CSMD1: variants seen among roughly 807,000 people sequenced by gnomAD.
CSMD1 encodes the protein CUB and sushi domain-containing protein 1.
Under a neutral mutation model 417.5 loss-of-function variants are expected in CSMD1, and 213 were observed. The observed-to-expected ratio is 0.51, with a 90% CI of 0.46 to 0.57. The LOEUF (loss-of-function observed/expected upper bound fraction) is 0.57. Ranked by LOEUF, CSMD1 falls within the 20% of genes least tolerant of loss-of-function variation. CSMD1 has a pLI of 0.00. For missense variants in CSMD1, 6,923 were observed against 4,529.7 expected, an observed-to-expected ratio of 1.53 and a Z score of -15.17; for synonymous variants, 2,862 against 1,736.8, an observed-to-expected ratio of 1.65 and a Z score of -16.11.
intron 2 of CSMD1, among the ~76,000 whole-genome samples, chr8:4,564,837 C>T (rs1180317663): frequency 6.6e-6 from 1 of 152,176 alleles, no homozygotes; most frequent in Non-Finnish European, 1.5e-5. Context: ...TGGGATGCGT[C>T]CAGCATTTAC....
intron 5 of CSMD1, among the ~76,000 whole-genome samples, chr8:3,876,467 G>A (rs946115783): frequency 6.6e-6 from 1 of 152,154 alleles, no homozygotes; most frequent in African/African-American, 2.4e-5. Flanking sequence ...TTGTTGGAGA[G>A]TCCTAACAGA....
At chr8:4,737,820 C>G (rs543330992) in intron 1 of CSMD1, among the ~76,000 whole-genome samples, 3 of 152,116 alleles carry the variant, frequency 2.0e-5, no homozygotes, top group Non-Finnish European at 4.4e-5. Context: ...AAGTAATGGG[C>G]AGCATATGGT....
chr8:3,551,594 ATATT>A (rs1197173563), intron 10 of CSMD1, among the ~76,000 whole-genome samples: 38 of 103,742 alleles, frequency 3.7e-4, no homozygotes, highest in East Asian at 1.5e-3. Flanking sequence ...ATATATATAT[ATATT>A]TTTTTTTTTT....
intron 3 of CSMD1, among the ~76,000 whole-genome samples, chr8:4,085,325 G>A (rs11992309): frequency 0.087 from 13,251 of 152,142 alleles, 793 homozygotes; most frequent in East Asian, 0.27. Context: ...GCTTCTTGGA[G>A]TAAGACAAAA....
intron 5 of CSMD1, among the ~76,000 whole-genome samples, chr8:3,928,156 C>G (rs142806237): frequency 6.6e-6 from 1 of 152,212 alleles, no homozygotes; most frequent in East Asian, 1.9e-4. Context: ...TGGACATTTA[C>G]ATTTCAATGA....
At chr8:3,455,120 T>G (rs928035906) in intron 12 of CSMD1, among the ~76,000 whole-genome samples, 1 of 152,222 alleles carries the variant, frequency 6.6e-6, no homozygotes, top group Non-Finnish European at 1.5e-5. Context: ...CTGAGGCTTG[T>G]GCATTCATCA....
chr8:4,902,070 A>G (rs1563718318), intron 1 of CSMD1, among the ~76,000 whole-genome samples: 1 of 152,164 alleles, frequency 6.6e-6, no homozygotes. Flanking sequence ...ATTAAAGAAT[A>G]TATATGTGTA....
chr8:4,526,987 C>G (rs1010123931), intron 2 of CSMD1, among the ~76,000 whole-genome samples: 3 of 152,172 alleles, frequency 2.0e-5, no homozygotes, highest in Admixed American at 6.5e-5. Flanking sequence ...TATCCACATC[C>G]TCTTACTTAC....
At chr8:4,047,345 C>T (rs1036868151) in intron 3 of CSMD1, among the ~76,000 whole-genome samples, 1 of 152,074 alleles carries the variant, frequency 6.6e-6, no homozygotes, top group South Asian at 2.1e-4. Context: ...CTACCCAAAG[C>T]CCTTGGGAAC....
chr8:3,642,364 G>A (rs576475717), intron 7 of CSMD1, among the ~76,000 whole-genome samples: 1 of 152,110 alleles, frequency 6.6e-6, no homozygotes, highest in African/African-American at 2.4e-5. Context: ...AGAAATCACC[G>A]CAAAGAATTT....
intron 5 of CSMD1, among the ~76,000 whole-genome samples, chr8:3,807,030 A>AG (rs1392080006): frequency 6.6e-6 from 1 of 152,164 alleles, no homozygotes; most frequent in African/African-American, 2.4e-5. Flanking sequence ...ATTGTAACCC[A>AG]GGCAGTCTGA....
intron 2 of CSMD1, among the ~76,000 whole-genome samples, chr8:4,577,217 T>G (rs1034048050): frequency 1.3e-5 from 2 of 152,190 alleles, no homozygotes; most frequent in Non-Finnish European, 2.9e-5. Flanking sequence ...CAAAATCAAA[T>G]ATAGAATGTA....
At position 4,066,216 on chromosome 8, in the gene CSMD1, G is replaced by C. The variant is rs566041988; in HGVS notation, c.416-34117C>G. Among the ~76,000 whole-genome samples, 269 of 152,286 alleles carry C rather than the reference G, an allele frequency of 1.8e-3. 1 individual carries two copies. Among genetic ancestry groups the C allele is most frequent in the African/African-American group, 6.3e-3 (260 of 41,572 alleles). On this transcript the variant is annotated intron_variant, in intron 3 of 69. Transcript: ENST00000635120. ...AGGGACTGTTTCAACTGCCAGTCAT[G>C]GGCAACGCCTCCTTCCTTCTTTGTC...
At chr8:4,939,003 T>C (rs1402432631) in intron 1 of CSMD1, among the ~76,000 whole-genome samples, 1 of 152,210 alleles carries the variant, frequency 6.6e-6, no homozygotes, top group Non-Finnish European at 1.5e-5. Flanking sequence ...GTTTTCTTTC[T>C]ATTGAGTCAT....
At chr8:4,308,129 G>A (rs958796089) in intron 3 of CSMD1, among the ~76,000 whole-genome samples, 2 of 152,202 alleles carry the variant, frequency 1.3e-5, no homozygotes, top group Admixed American at 6.5e-5. Flanking sequence ...AGGAAGATGT[G>A]TTTTACTTAG....
chr8:4,477,560 C>T (rs1411924317), intron 2 of CSMD1, among the ~76,000 whole-genome samples: 1 of 152,120 alleles, frequency 6.6e-6, no homozygotes, highest in Non-Finnish European at 1.5e-5. Context: ...TTTAAATGTA[C>T]ATCTTTTTTT....
intron 3 of CSMD1, among the ~76,000 whole-genome samples, chr8:4,236,908 C>T (rs1427501066): frequency 6.6e-6 from 1 of 152,164 alleles, no homozygotes; most frequent in Non-Finnish European, 1.5e-5. Flanking sequence ...TTCCAGGCCT[C>T]TCAGCTAAAA....
At chr8:3,301,504 T>C (rs1327504980) in intron 25 of CSMD1, among the ~76,000 whole-genome samples, 1 of 152,058 alleles carries the variant, frequency 6.6e-6, no homozygotes, top group Non-Finnish European at 1.5e-5. Context: ...ACAGAATATT[T>C]CTGGATGGGA....
intron 1 of CSMD1, among the ~76,000 whole-genome samples, chr8:4,904,480 T>C (rs1805105642): frequency 6.6e-6 from 1 of 152,178 alleles, no homozygotes; most frequent in South Asian, 2.1e-4. Flanking sequence ...AAACAGCTGG[T>C]AGGGCTCAAT....
Sources: gnomAD v4.1 joint callset for allele counts (sites outside exome capture counted in the v4.1 genomes callset) on GRCh38, gnomAD v4.1.1 for gene constraint, MANE v1.5 for transcripts, NCBI Gene and HGNC (gene_info 2026-07-23, HGNC 2026-07-21) for gene names.